Variants in ERC1 observed in about 807,000 individuals in gnomAD.
ERC1 encodes the protein ELKS/RAB6-interacting/CAST family member 1.
A neutral mutation model predicts 132.0 loss-of-function variants in ERC1; 56 were observed. That is an observed-to-expected ratio of 0.42 (90% CI 0.34 to 0.53). The LOEUF (loss-of-function observed/expected upper bound fraction) is 0.53. ERC1 is among the 20% of genes least tolerant of loss of function. The probability of loss-of-function intolerance (pLI) is 0.03; values close to 1 mark genes in which losing one functional copy is unlikely to be tolerated. For missense variants in ERC1, 1,202 were observed against 1,349.9 expected (o/e 0.89, Z 1.72); for synonymous variants, 478 against 476.1 (o/e 1.00, Z -0.05).
intron 15 of ERC1, among the ~76,000 whole-genome samples, chr12:1,331,060 G>C (rs923764913): frequency 2.6e-5 from 4 of 152,080 alleles, no homozygotes; most frequent in African/African-American, 9.7e-5. Flanking sequence ...TGTCAGTTTA[G>C]TTCACTATAT....
At chr12:1,171,356 C>CTTT (rs57007848) in intron 8 of ERC1, among the ~76,000 whole-genome samples, 39 of 87,224 alleles carry the variant, frequency 4.5e-4, no homozygotes, top group East Asian at 6.8e-4. Flanking sequence ...GCAAAACATT[C>CTTT]TTTTTTTTTT....
intron 4 of ERC1, among the ~76,000 whole-genome samples, chr12:1,106,338 C>A (rs969344641): frequency 1.3e-5 from 2 of 152,086 alleles, no homozygotes; most frequent in African/African-American, 4.8e-5. Flanking sequence ...TTAGGGACCT[C>A]CCCCCACAAC....
intron 12 of ERC1, among the ~76,000 whole-genome samples, chr12:1,194,805 G>T (rs1278377600): frequency 6.6e-6 from 1 of 152,032 alleles, no homozygotes; most frequent in Admixed American, 6.6e-5. Flanking sequence ...GTTGCCTTTG[G>T]TTTATCAAAG....
chr12:1,416,985 C>G (rs2154397661), intron 17 of ERC1, among the ~76,000 whole-genome samples: 1 of 152,184 alleles, frequency 6.6e-6, no homozygotes, highest in East Asian at 1.9e-4. Flanking sequence ...CCTCTTGGCT[C>G]TCATTTAATG....
intron 3 of ERC1, among the ~76,000 whole-genome samples, chr12:1,099,870 CAG>C (rs1472456402): frequency 1.3e-4 from 11 of 82,178 alleles, no homozygotes; most frequent in Non-Finnish European, 2.2e-4. Flanking sequence ...TTTTTTTTGA[CAG>C]AGTCTTGCTC....
chr12:1,262,042 A>G (rs1594627796), intron 13 of ERC1, among the ~76,000 whole-genome samples: 1 of 152,216 alleles, frequency 6.6e-6, no homozygotes, highest in East Asian at 1.9e-4. Flanking sequence ...CTGTGGTATA[A>G]TTGAGTTTCT....
At chr12:998,245 C>T (rs1453849474) in intron 1 of ERC1, 6 of 152,174 alleles carry the variant, frequency 3.9e-5, no homozygotes. Flanking sequence ...TCTTATTTAA[C>T]CTCTTAGCAG....
At chr12:1,064,582 T>C (rs1384572361) in intron 2 of ERC1, among the ~76,000 whole-genome samples, 1 of 152,148 alleles carries the variant, frequency 6.6e-6, no homozygotes, top group African/African-American at 2.4e-5. Context: ...TTTGTATAGA[T>C]AGGGTCTTGC....
intron 17 of ERC1, 66 bp from the exon 18 acceptor site, chr12:1,444,496 C>T: frequency 8.9e-7 from 1 of 1,127,514 alleles, no homozygotes; most frequent in Non-Finnish European, 1.3e-6. Context: ...ATATTTGAAC[C>T]TCTCATTTCA....
At chr12:1,156,528 C>T (rs773495455) in intron 8 of ERC1, among the ~76,000 whole-genome samples, 21 of 152,168 alleles carry the variant, frequency 1.4e-4, no homozygotes, top group African/African-American at 4.1e-4. Flanking sequence ...TGAGCCACCA[C>T]GCCTGACCTC....
chr12:1,244,497 GGTTTGTTTGTTT>G lies in ERC1; in HGVS notation c.2487+7622_2487+7633del, dbSNP rs71055140. On this transcript the variant is annotated intron_variant, in intron 13 of 18. Coordinates refer to ENST00000360905, the MANE Select transcript of ERC1 (RefSeq NM_178040.4). The stretch of plus-strand genomic sequence containing the variant: ...ATTCATTAAGTGTTTTGTACTTAAT[GGTTTGTTTGTTT>G]GTTTGTTTGTTTGTTTGTTTGTTTG... 1.7e-3 allele frequency: 734 copies of G among 441,738 alleles called. 3 individuals carry two copies. Among genetic ancestry groups the G allele is most frequent in the Middle Eastern group, 7.3e-3 (10 of 1,376 alleles). The allele number at this position is 441,738 out of a possible 1,614,324, so 27.4% of individuals were successfully genotyped here.
chr12:1,298,349 T>C (rs935561592), intron 15 of ERC1, among the ~76,000 whole-genome samples: 2 of 151,774 alleles, frequency 1.3e-5, no homozygotes, highest in African/African-American at 4.8e-5. Flanking sequence ...TGAGACCAGC[T>C]TGGCCAACGT....
At chr12:1,403,711 ACTTTAAATGCGTT>A (rs2091260032) in intron 16 of ERC1, among the ~76,000 whole-genome samples, 1 of 152,306 alleles carries the variant, frequency 6.6e-6, no homozygotes, top group Middle Eastern at 3.4e-3. Context: ...CCTAAGAAGT[ACTTTAAATGCGTT>A]CTGCCTTGAA....
intron 7 of ERC1, among the ~76,000 whole-genome samples, chr12:1,137,998 T>G (rs1298297846): frequency 7.7e-6 from 1 of 129,286 alleles, no homozygotes; most frequent in Non-Finnish European, 1.6e-5. Context: ...TAATATATAT[T>G]AATATATAAA....
At chr12:1,097,955 TCTGCCCGC>T (rs1159386344) in intron 3 of ERC1, among the ~76,000 whole-genome samples, 3 of 152,202 alleles carry the variant, frequency 2.0e-5, no homozygotes, top group Non-Finnish European at 2.9e-5. Context: ...CCTCAAGTGA[TCTGCCCGC>T]CTTGGCCTCC....
At chr12:1,288,671 A>G (rs2079201806) in intron 14 of ERC1, among the ~76,000 whole-genome samples, 3 of 152,338 alleles carry the variant, frequency 2.0e-5, no homozygotes, top group African/African-American at 4.8e-5. Flanking sequence ...CTGTTTTAGT[A>G]TCACACAAAT....
intron 17 of ERC1, among the ~76,000 whole-genome samples, chr12:1,428,008 C>T (rs1216994911): frequency 6.6e-6 from 1 of 152,082 alleles, no homozygotes; most frequent in Non-Finnish European, 1.5e-5. Flanking sequence ...TGGCATTTGT[C>T]CTGGGACTCA....
At chr12:1,177,280 G>A (rs183266898) in intron 8 of ERC1, among the ~76,000 whole-genome samples, 1 of 152,224 alleles carries the variant, frequency 6.6e-6, no homozygotes. Context: ...TCAGTAACTT[G>A]ACTGTTTGGT....
At chr12:1,042,696 T>C (rs1441873854) in intron 2 of ERC1, among the ~76,000 whole-genome samples, 1 of 152,152 alleles carries the variant, frequency 6.6e-6, no homozygotes, top group Non-Finnish European at 1.5e-5. Context: ...GTGATAAACC[T>C]ACAGCATTTG....
Sources: gnomAD v4.1 joint callset for allele counts (sites outside exome capture counted in the v4.1 genomes callset) on GRCh38, gnomAD v4.1.1 for gene constraint, MANE v1.5 for transcripts, NCBI Gene and HGNC (gene_info 2026-07-23, HGNC 2026-07-21) for gene names.